The following ATP6V1D variants were observed in gnomAD, a reference collection of about 807,000 sequenced individuals.
ATP6V1D encodes V-type proton ATPase subunit D.
Under a neutral mutation model 39.4 loss-of-function variants are expected in ATP6V1D, and 20 were observed. The observed-to-expected ratio is 0.51, with a 90% CI of 0.36 to 0.74. The LOEUF is 0.74. ATP6V1D is among the 30% of genes least tolerant of loss of function. The probability of loss-of-function intolerance (pLI) is 0.00; values close to 1 mark genes in which losing one functional copy is unlikely to be tolerated. For synonymous variants in ATP6V1D, 100 were observed against 100.5 expected (o/e 0.99, Z 0.03); for missense variants, 228 against 291.6 (o/e 0.78, Z 1.59).
In ATP6V1D at chr14:67,338,384, C is replaced by T; in HGVS notation, c.*237G>A. On this transcript the variant is annotated 3_prime_UTR_variant, in exon 9 of 9. Transcript: ENST00000216442. ...ATGTAAATGGAGTATGATAACGCTT[C>T]TGCAAAGTAAATTCTGTAAGTTCCT... is the stretch of plus-strand genomic sequence containing the variant. 1 of 454,634 alleles carries T rather than the reference C, an allele frequency of 2.2e-6. No individual in the cohort carries two copies. The allele number at this position is 454,634 out of a possible 1,614,324, so 28.2% of individuals were successfully genotyped here.
intron 2 of ATP6V1D, among the ~76,000 whole-genome samples, chr14:67,352,304 T>C (rs2085659357): frequency 6.6e-6 from 1 of 151,118 alleles, no homozygotes; most frequent in Non-Finnish European, 1.5e-5. Flanking sequence ...ACCTCGTCTC[T>C]ACTAAAAATA....
intron 8 of ATP6V1D, among the ~76,000 whole-genome samples, 180 bp from the exon 9 acceptor site, chr14:67,338,942 T>C (rs1046418904): frequency 6.6e-6 from 1 of 151,096 alleles, no homozygotes; most frequent in African/African-American, 2.4e-5. Flanking sequence ...AATTTTAAGC[T>C]AAAAATACAT....
chr14:67,341,514 G>T (rs543027228), intron 7 of ATP6V1D, among the ~76,000 whole-genome samples: 2 of 151,324 alleles, frequency 1.3e-5, no homozygotes, highest in African/African-American at 4.9e-5. Context: ...AGGGAGGTGG[G>T]GGGGGTCAGC....
At chr14:67,352,799 A>C in intron 2 of ATP6V1D, 124 bp downstream of exon 2, 6 of 661,942 alleles carry the variant, frequency 9.1e-6, no homozygotes, top group Non-Finnish European at 1.5e-5. Context: ...TGTTAAACTT[A>C]TAATGGTATT....
At chr14:67,344,670 G>C (rs928368952) in intron 6 of ATP6V1D, among the ~76,000 whole-genome samples, 1 of 152,042 alleles carries the variant, frequency 6.6e-6, no homozygotes. Flanking sequence ...CTTGAGGCCA[G>C]GAGTTTGAGA....
At chr14:67,343,261 A>G in intron 7 of ATP6V1D, 111 bp downstream of exon 7, 1 of 758,354 alleles carries the variant, frequency 1.3e-6, no homozygotes, top group Non-Finnish European at 2.1e-6. Context: ...GGGCAAGGGA[A>G]GCATCTTATT....
Position 67,352,955 on chromosome 14 carries a change from G to A in ATP6V1D, c.127C>T (p.Arg43Ter), listed in dbSNP as rs150707025. 5.0e-5 allele frequency: 81 copies of A among 1,612,642 alleles called. No individual in the cohort carries two copies. Among genetic ancestry groups the A allele is most frequent in the East Asian group, 6.7e-5 (3 of 44,874 alleles). ...LKKKSDALTL[R>*]FRQILKKIIE... is the part of the protein sequence containing the mutation. Reference sequence around the variant, plus strand: ...ATCTTCTTTAGGATCTGTCGAAATCGAAGAGTTAAGGCATCAGATTTTTTC... The same window carrying A: ...ATCTTCTTTAGGATCTGTCGAAATCAAAGAGTTAAGGCATCAGATTTTTTC... The change falls in exon 2 of 9, where the codon CGA becomes TGA. Residue 43 changes from arginine (R) to a stop codon, truncating the protein, a stop_gained. Transcript: ENST00000216442. LOFTEE classifies it high-confidence loss of function.
Position 67,352,971 on chromosome 14 carries a change from A to G in ATP6V1D, c.111T>C (p.Ser37=). The change falls in exon 2 of 9, where the codon TCT becomes TCC. Residue 37 remains serine, a synonymous_variant. Transcript: ENST00000216442. ...QTGRNLLKKK[S]DALTLRFRQI... Reference sequence around the variant, plus strand: ...GTCGAAATCGAAGAGTTAAGGCATCAGATTTTTTCTTCAGGAGGTTTCGAC... The same window carrying G: ...GTCGAAATCGAAGAGTTAAGGCATCGGATTTTTTCTTCAGGAGGTTTCGAC... The G allele has an allele frequency of 1.2e-6, 2 of 1,614,062 alleles. No homozygotes were observed. Among genetic ancestry groups the G allele is most frequent in the Non-Finnish European group, 1.7e-6 (2 of 1,179,938 alleles).
At position 67,338,665 on chromosome 14, in the gene ATP6V1D, T is replaced by C; in HGVS notation, c.700A>G (p.Asn234Asp). The C allele has an allele frequency of 6.2e-7, 1 of 1,614,152 alleles. No individual in the cohort carries two copies. The highest frequency in any genetic ancestry group is 8.5e-7 in the Non-Finnish European group (1 of 1,179,996). Reference protein sequence around the residue: ...RAAGEVLEPANLLAEEKDEDL... With the variant: ...RAAGEVLEPADLLAEEKDEDL... The stretch of plus-strand genomic sequence containing the variant: ...TCGTCCTTCTCTTCAGCCAGAAGAT[T>C]AGCAGGCTCCAACACCTCTCCAGCT... Residue 234 changes from asparagine to aspartate, a missense_variant, in exon 9 of 9, where the codon AAT becomes GAT. This residue lies in a region of ATP6V1D where 114 missense variants were observed against 128.3 expected (regional missense o/e 0.89). Transcript: ENST00000216442.
At chr14:67,339,335 C>T (rs879251006) in intron 8 of ATP6V1D, among the ~76,000 whole-genome samples, 3 of 151,962 alleles carry the variant, frequency 2.0e-5, no homozygotes, top group South Asian at 2.1e-4. Flanking sequence ...AATCCATTCT[C>T]GAATGGAACA....
chr14:67,358,597 G>A (rs1396933989), intron 1 of ATP6V1D, among the ~76,000 whole-genome samples: 3 of 152,180 alleles, frequency 2.0e-5, no homozygotes, highest in African/African-American at 7.2e-5. Context: ...CCGCCAGGGA[G>A]GCTGAGGCCG....
At chr14:67,359,601 G>A (rs1371682394) in intron 1 of ATP6V1D, 57 bp downstream of exon 1, 2 of 1,599,132 alleles carry the variant, frequency 1.3e-6, no homozygotes, top group East Asian at 2.2e-5. Flanking sequence ...GGTCTGAAGG[G>A]ACCGCGCTCC....
At chr14:67,341,529 C>T (rs1228788685) in intron 7 of ATP6V1D, among the ~76,000 whole-genome samples, 9 of 151,182 alleles carry the variant, frequency 6.0e-5, no homozygotes, top group South Asian at 2.1e-4. Context: ...GTCAGCCCCC[C>T]GCCTGGCCAG....
chr14:67,347,187 C>T (rs958164639), intron 5 of ATP6V1D, among the ~76,000 whole-genome samples: 8 of 152,072 alleles, frequency 5.3e-5, no homozygotes, highest in Non-Finnish European at 2.9e-5. Flanking sequence ...GATTTGCCTG[C>T]CTCAGCCTCC....
At chr14:67,349,709 A>G (rs1453995138) in intron 3 of ATP6V1D, among the ~76,000 whole-genome samples, 2 of 152,190 alleles carry the variant, frequency 1.3e-5, no homozygotes, top group Non-Finnish European at 2.9e-5. Context: ...TCAAAACAAA[A>G]CAAAAATAAA....
chr14:67,345,837 T>C lies in ATP6V1D; in HGVS notation c.387A>G (p.Glu129=). The change falls in exon 6 of 9, where the codon GAA becomes GAG. Residue 129 remains glutamate, a synonymous_variant. Coordinates refer to ENST00000216442, the MANE Select transcript of ATP6V1D (RefSeq NM_015994.4). ...YELTGLARGG[E]QLAKLKRNYA... Reference sequence around the variant, plus strand: ...AATTCCTCTTTAATTTAGCCAACTGTTCCCCACCTCTGGCTAAACCAGTCA... The same window carrying C: ...AATTCCTCTTTAATTTAGCCAACTGCTCCCCACCTCTGGCTAAACCAGTCA... The C allele has an allele frequency of 6.2e-7, 1 of 1,614,132 alleles. No individual in the cohort carries two copies. Among genetic ancestry groups the C allele is most frequent in the African/African-American group, 1.3e-5 (1 of 75,060 alleles).
chr14:67,353,461 G>A (rs527542912), intron 1 of ATP6V1D, among the ~76,000 whole-genome samples: 5 of 152,234 alleles, frequency 3.3e-5, no homozygotes, highest in Admixed American at 3.3e-4. Context: ...GCATGGGTAA[G>A]ATAGTAGCAA....
chr14:67,338,718 G>T lies in ATP6V1D; in HGVS notation c.647C>A (p.Ser216Tyr), dbSNP rs1381534513. The T allele has an allele frequency of 6.2e-7, 1 of 1,613,524 alleles. No homozygotes were observed. The highest frequency in any genetic ancestry group is 1.1e-5 in the South Asian group (1 of 91,050). Residue 216 changes from serine to tyrosine, a missense_variant, in exon 9 of 9, where the codon TCT becomes TAT. This residue lies in a region of ATP6V1D where 114 missense variants were observed against 128.3 expected (regional missense o/e 0.89). Transcript: ENST00000216442. ...QEKKKILKEKSEKDLEQRRAA... is the reference protein window; with the variant it reads ...QEKKKILKEKYEKDLEQRRAA... ...TCTCCTTTGCTCCAAGTCCTTCTCA[G>T]ATTTTTCCTTTAGAATCTTTTTCTT...
chr14:67,347,502 C>CTTG, intron 4 of ATP6V1D, 49 bp from the exon 5 acceptor site: 1 of 1,112,686 alleles, frequency 9.0e-7, no homozygotes, highest in Non-Finnish European at 1.3e-6. Flanking sequence ...TAAGTTCTCT[C>CTTG]TTTTTTTTTT....
Sources: gnomAD v4.1 joint callset for allele counts (sites outside exome capture counted in the v4.1 genomes callset) on GRCh38, gnomAD v4.1.1 for gene constraint, gnomAD v4.1.1 regional missense constraint, MANE v1.5 for transcripts, NCBI Gene and HGNC (gene_info 2026-07-23, HGNC 2026-07-21) for gene names.